The following GARRE1 variants were observed in gnomAD, a reference collection of about 807,000 sequenced individuals.
GARRE1 encodes granule associated Rac and RHOG effector 1.
In GARRE1, 49 loss-of-function variants were observed where a neutral mutation model predicts 103.2. That is an observed-to-expected ratio of 0.47 (90% CI 0.38 to 0.60). The LOEUF is 0.60. Ranked by LOEUF, GARRE1 falls within the 20% of genes least tolerant of loss-of-function variation. GARRE1 has a pLI of 0.00. For missense variants in GARRE1, 1,199 were observed against 1,370.5 expected (o/e 0.87, Z 1.98); for synonymous variants, 505 against 532.8 (o/e 0.95, Z 0.72).
intron 13 of GARRE1, among the ~76,000 whole-genome samples, chr19:34,352,332 G>A (rs1329497713): frequency 1.3e-5 from 2 of 149,532 alleles, no homozygotes; most frequent in Non-Finnish European, 3.0e-5. Context: ...AACCCCGGAG[G>A]CAGAGGTTGC....
chr19:34,339,718 C>T, intron 8 of GARRE1, 149 bp from the exon 9 acceptor site: 1 of 862,072 alleles, frequency 1.2e-6, no homozygotes. Flanking sequence ...CCAGGATCAG[C>T]CCTGTTGTTC....
chr19:34,327,745 G>C (rs749876716), intron 4 of GARRE1, 26 bp from the exon 5 acceptor site: 1 of 1,591,204 alleles, frequency 6.3e-7, no homozygotes, highest in Non-Finnish European at 8.6e-7. Context: ...TTACGATCTT[G>C]ATTGTTAAAA....
chr19:34,276,098 C>A (rs2073815598), intron 1 of GARRE1, among the ~76,000 whole-genome samples: 1 of 151,994 alleles, frequency 6.6e-6, no homozygotes, highest in Admixed American at 6.6e-5. Context: ...GACTGGTGTG[C>A]AGTGGTGCCA....
At chr19:34,264,709 G>A (rs771159334) in intron 1 of GARRE1, among the ~76,000 whole-genome samples, 1 of 152,180 alleles carries the variant, frequency 6.6e-6, no homozygotes, top group Admixed American at 6.5e-5. Flanking sequence ...GCATGTCATT[G>A]TTATATGGCA....
rs185948303 is a variant in GARRE1 at position 34,330,262 on chromosome 19, C to A, written c.1178C>A (p.Thr393Asn). 18 of 1,614,066 alleles carry A rather than the reference C, an allele frequency of 1.1e-5. No homozygotes were observed. The highest frequency in any genetic ancestry group is 1.5e-5 in the Non-Finnish European group (18 of 1,180,024). ...GITSRDDFPV[T>N]EVLNQVCPST... ...ACATCCAGGGATGATTTTCCTGTGA[C>A]TGAAGTGCTGAACCAGGTTTGCCCT... is the stretch of plus-strand genomic sequence containing the variant. The change falls in exon 7 of 14, where the codon ACT becomes AAT. Residue 393 changes from threonine (T) to asparagine (N), a missense_variant. Coordinates refer to ENST00000299505, the MANE Select transcript of GARRE1 (RefSeq NM_014686.5).
At chr19:34,350,668 G>A (rs1268275206) in intron 12 of GARRE1, among the ~76,000 whole-genome samples, 3 of 152,194 alleles carry the variant, frequency 2.0e-5, no homozygotes, top group South Asian at 2.1e-4. Context: ...TGCAAGCTCC[G>A]CCTTCCGGGT....
chr19:34,288,534 C>T (rs1051562009), intron 1 of GARRE1, among the ~76,000 whole-genome samples: 4 of 152,178 alleles, frequency 2.6e-5, no homozygotes, highest in East Asian at 1.9e-4. Flanking sequence ...GAGCTGTGGC[C>T]GACTGTAGGG....
At chr19:34,310,765 T>C (rs975549107) in intron 2 of GARRE1, among the ~76,000 whole-genome samples, 3 of 151,920 alleles carry the variant, frequency 2.0e-5, no homozygotes, top group Non-Finnish European at 4.4e-5. Flanking sequence ...TAGCCTGAAG[T>C]CTGTTGATTC....
At position 34,341,529 on chromosome 19, in the gene GARRE1, T is replaced by C; in HGVS notation, c.1595T>C (p.Leu532Pro). The change falls in exon 10 of 14, where the codon CTG (leucine) becomes CCG (proline). Residue 532 changes from leucine (L) to proline (P), a missense_variant. Coordinates refer to ENST00000299505, the MANE Select transcript of GARRE1 (RefSeq NM_014686.5). ...SGNGNKSSGG[L>P]QKTFSKLTSR... The stretch of plus-strand genomic sequence containing the variant: ...AATGGAAACAAATCTTCAGGTGGCC[T>C]GCAGAAGACATTCTCCAAACTGACA... 1 of 1,614,170 alleles carries C rather than the reference T, an allele frequency of 6.2e-7. No homozygotes were observed. The highest frequency in any genetic ancestry group is 8.5e-7 in the Non-Finnish European group (1 of 1,180,046).
intron 1 of GARRE1, among the ~76,000 whole-genome samples, chr19:34,263,106 A>G (rs901978105): frequency 1.3e-5 from 2 of 152,110 alleles, no homozygotes; most frequent in Non-Finnish European, 2.9e-5. Flanking sequence ...CCAGCTGTCC[A>G]GGAGGCTGCA....
intron 1 of GARRE1, among the ~76,000 whole-genome samples, chr19:34,280,155 C>G (rs1375014280): frequency 6.6e-6 from 1 of 152,094 alleles, no homozygotes; most frequent in East Asian, 1.9e-4. Flanking sequence ...GTGCTGCCCA[C>G]TTTTAAACAA....
chr19:34,348,950 C>T, intron 11 of GARRE1, 66 bp from the exon 12 acceptor site: 3 of 1,588,532 alleles, frequency 1.9e-6, no homozygotes, highest in African/African-American at 1.3e-5. Flanking sequence ...ACTGCCCTTT[C>T]AGGGTGGGGT....
chr19:34,297,795 A>G (rs1599761362), intron 1 of GARRE1, among the ~76,000 whole-genome samples: 1 of 152,260 alleles, frequency 6.6e-6, no homozygotes, highest in African/African-American at 2.4e-5. Context: ...ATTTTTTACA[A>G]GTAGCCATTT....
At chr19:34,261,818 T>G (rs780974983) in intron 1 of GARRE1, among the ~76,000 whole-genome samples, 18 of 152,178 alleles carry the variant, frequency 1.2e-4, no homozygotes, top group South Asian at 6.2e-4. Context: ...AACTGGGCAC[T>G]AACAGCACTT....
At chr19:34,256,610 T>G (rs941516270) in intron 1 of GARRE1, among the ~76,000 whole-genome samples, 2 of 152,182 alleles carry the variant, frequency 1.3e-5, no homozygotes, top group African/African-American at 4.8e-5. Context: ...CATTCTTGGT[T>G]TAAAATATGA....
At chr19:34,340,137 T>G (rs1185046161) in intron 9 of GARRE1, 145 bp downstream of exon 9, 1 of 800,218 alleles carries the variant, frequency 1.2e-6, no homozygotes, top group African/African-American at 1.7e-5. Flanking sequence ...TCAGAATAAT[T>G]TAAAACCTGC....
intron 1 of GARRE1, among the ~76,000 whole-genome samples, chr19:34,275,767 T>C (rs1171598213): frequency 6.6e-6 from 1 of 152,176 alleles, no homozygotes; most frequent in Non-Finnish European, 1.5e-5. Flanking sequence ...GGTTGTGTGG[T>C]AATTTTATGT....
chr19:34,333,083 G>A (rs1014718065), intron 7 of GARRE1, among the ~76,000 whole-genome samples: 4 of 152,174 alleles, frequency 2.6e-5, no homozygotes, highest in Non-Finnish European at 5.9e-5. Context: ...GTCTTGGTCT[G>A]TTGCTCAGGC....
chr19:34,328,426 A>G (rs2965269), intron 6 of GARRE1, among the ~76,000 whole-genome samples: 116,975 of 150,844 alleles, frequency 0.78, 45,924 homozygotes, highest in African/African-American at 0.82. Context: ...CTGTTCGGGA[A>G]GCTGAGGCTG....
Sources: gnomAD v4.1 joint callset for allele counts (sites outside exome capture counted in the v4.1 genomes callset) on GRCh38, gnomAD v4.1.1 for gene constraint, MANE v1.5 for transcripts, NCBI Gene and HGNC (gene_info 2026-07-23, HGNC 2026-07-21) for gene names.